The following SCUBE1 variants were observed in gnomAD, a reference collection of about 807,000 sequenced individuals.
SCUBE1 encodes the protein signal peptide, CUB domain and EGF like domain containing 1, also known as signal peptide, CUB and EGF-like domain-containing protein 1.
Under a neutral mutation model 124.4 loss-of-function variants are expected in SCUBE1, and 59 were observed. The observed-to-expected ratio is 0.47, with a 90% confidence interval of 0.38 to 0.59. The LOEUF (loss-of-function observed/expected upper bound fraction) is 0.59. Ranked by LOEUF, SCUBE1 falls within the 20% of genes least tolerant of loss-of-function variation. The probability of loss-of-function intolerance (pLI) is 0.00; values close to 1 mark genes in which losing one functional copy is unlikely to be tolerated. For synonymous variants in SCUBE1, 545 were observed against 550.9 expected (o/e 0.99, Z 0.15); for missense variants, 1,150 against 1,371.2 (o/e 0.84, Z 2.55).
chr22:43,266,332 A>G (rs2146716448), intron 4 of SCUBE1, among the ~76,000 whole-genome samples: 1 of 152,062 alleles, frequency 6.6e-6, no homozygotes, highest in East Asian at 1.9e-4. Context: ...ACATTTCAAA[A>G]TGACCCTACA....
In SCUBE1 at chr22:43,280,492, C is replaced by CTG. The variant is rs767871082; in HGVS notation, c.484+10553_484+10554insCA. Among the ~76,000 whole-genome samples, 1,304 of 41,200 alleles carry CTG rather than the reference C, an allele frequency of 0.032. 37 individuals are homozygous for CTG. In the East Asian group the frequency reaches 0.46, roughly 14 times the overall value. The allele number at this position is 41,200 out of a possible 152,430, so 27.0% of individuals were successfully genotyped here. A position where few individuals can be genotyped will look rare whatever the true frequency, so the allele number is the denominator to read the frequency against. ...CTCCCGTCCCTTCCCCTCACCCATC[C>CTG]CCGTCCCTTCCCCTCACCCATCCTG... On this transcript the variant is annotated intron_variant, in intron 4 of 21. Coordinates refer to ENST00000360835, the MANE Select transcript of SCUBE1 (RefSeq NM_173050.5).
chr22:43,292,820 T>C (rs1876051138), intron 3 of SCUBE1, among the ~76,000 whole-genome samples: 1 of 152,182 alleles, frequency 6.6e-6, no homozygotes, highest in African/African-American at 2.4e-5. Context: ...AGCGAGGCCA[T>C]TATTCTTTGG....
At chr22:43,222,547 TG>T in intron 12 of SCUBE1, 90 bp downstream of exon 12, 1 of 1,003,906 alleles carries the variant, frequency 1.0e-6, no homozygotes. Flanking sequence ...AGGTCTTCCC[TG>T]GGCGGTGCCC....
In SCUBE1 at chr22:43,223,182, G is replaced by A; in HGVS notation, c.1242C>T (p.Ser414=). The change falls in exon 11 of 22, where the codon TCC becomes TCT. Residue 414 remains serine (S), a synonymous_variant. Transcript: ENST00000360835. ...TGKCLSRAKT[S]PRAQLSCSKA... is the part of the protein sequence containing the mutation. Reference sequence around the variant, plus strand: ...TGCTGCAGGACAGCTGGGCCCGGGGGGAGGTCTTGGCGCGAGAAAGACACT... The same window carrying A: ...TGCTGCAGGACAGCTGGGCCCGGGGAGAGGTCTTGGCGCGAGAAAGACACT... 6.4e-7 allele frequency: 1 copy of A among 1,572,176 alleles called. No homozygotes were observed.
rs1569499008 is a variant in SCUBE1 at position 43,220,664 on chromosome 22, G to A, written c.1550-77C>T. 3.9e-6 allele frequency: 6 copies of A among 1,543,904 alleles called. No individual in the cohort carries two copies. In the East Asian group the frequency reaches 6.8e-5, roughly 18 times the overall value. ...GGTCCTACCAAGCCCTGCATACAGA[G>A]TGCCATTGGCAAGGACTTCCTGGTC... On this transcript the variant is annotated intron_variant, in intron 13 of 21. Transcript: ENST00000360835.
At position 43,208,080 on chromosome 22, in the gene SCUBE1, G is replaced by A. The variant is rs1369868864; in HGVS notation, c.2726C>T (p.Thr909Ile). 2 of 1,614,134 alleles carry A rather than the reference G, an allele frequency of 1.2e-6. No homozygotes were observed. ...AAGACAGTGGATCTTACCATCGTAG[G>A]TGACATAGGGCACTTGGAAGCCTTT... The part of the protein sequence containing the change: ...SGKGFQVPYV[T>I]YDEDYQQLIE... Residue 909 changes from threonine (T) to isoleucine (I), a missense_variant, in exon 20 of 22, where the codon ACC (threonine) becomes ATC (isoleucine). Around this residue, in one of 3 missense-constraint regions of SCUBE1, gnomAD observed 757 missense variants for 840.9 expected, o/e 0.90. Coordinates refer to ENST00000360835, the MANE Select transcript of SCUBE1 (RefSeq NM_173050.5).
At chr22:43,243,257 C>T (rs1156411948) in intron 6 of SCUBE1, among the ~76,000 whole-genome samples, 1 of 152,218 alleles carries the variant, frequency 6.6e-6, no homozygotes, top group African/African-American at 2.4e-5. Flanking sequence ...GAGGTCTGCA[C>T]CCGCTGGTGC....
chr22:43,231,585 AG>A (rs769437171), intron 8 of SCUBE1, among the ~76,000 whole-genome samples, 167 bp downstream of exon 8: 57 of 152,190 alleles, frequency 3.7e-4, no homozygotes, highest in Non-Finnish European at 7.6e-4. Context: ...CATCAATAAA[AG>A]GAACAGATTG....
intron 4 of SCUBE1, chr22:43,282,842 T>G (rs946247356): frequency 1.3e-5 from 2 of 151,926 alleles, no homozygotes; most frequent in African/African-American, 4.8e-5. Flanking sequence ...ATTACAGGAG[T>G]GCGCCACCAT....
Position 43,218,424 on chromosome 22 carries a change from T to C in SCUBE1, c.1722A>G (p.Ala574=). The change falls in exon 15 of 22, where the codon GCA becomes GCG. Residue 574 remains alanine, a synonymous_variant. Coordinates refer to ENST00000360835, the MANE Select transcript of SCUBE1 (RefSeq NM_173050.5). ...TGATGGCGGCCTGCAGGCTCTGTTCTGCTCGCTTCCGCAAGCAGTCCGCTT... is the reference window on the plus strand; with the variant it reads ...TGATGGCGGCCTGCAGGCTCTGTTCCGCTCGCTTCCGCAAGCAGTCCGCTT... The part of the protein sequence containing the change: ...TCEADCLRKR[A]EQSLQAAIKT... The C allele has an allele frequency of 6.2e-7, 1 of 1,613,018 alleles. No individual in the cohort carries two copies. The highest frequency in any genetic ancestry group is 1.1e-5 in the South Asian group (1 of 91,088).
intron 21 of SCUBE1, 40 bp downstream of exon 21, chr22:43,207,494 C>G (rs369894045): frequency 6.6e-7 from 1 of 1,516,396 alleles, no homozygotes; most frequent in East Asian, 2.3e-5. Flanking sequence ...CAGGCCCCAT[C>G]CCAGGGTTAC....
At chr22:43,209,667 G>A (rs186361078) in intron 19 of SCUBE1, among the ~76,000 whole-genome samples, 8 of 152,370 alleles carry the variant, frequency 5.3e-5, no homozygotes, top group African/African-American at 1.9e-4. Context: ...GGAGACCCAT[G>A]GAGCTGGAGC....
At chr22:43,262,379 G>C (rs1051504549) in intron 5 of SCUBE1, among the ~76,000 whole-genome samples, 2 of 152,164 alleles carry the variant, frequency 1.3e-5, no homozygotes, top group African/African-American at 2.4e-5. Flanking sequence ...CATTACCAGG[G>C]GCTTCCCAGG....
intron 6 of SCUBE1, among the ~76,000 whole-genome samples, chr22:43,240,704 G>T (rs1363465534): frequency 6.6e-6 from 1 of 152,204 alleles, no homozygotes. Flanking sequence ...ACAAGGGCCT[G>T]GCTTGTTAGT....
intron 13 of SCUBE1, 103 bp from the exon 14 acceptor site, chr22:43,220,690 C>G: frequency 1.4e-6 from 2 of 1,426,966 alleles, no homozygotes; most frequent in Non-Finnish European, 1.9e-6. Flanking sequence ...CTTCCTGGTC[C>G]GTGGTGCAGA....
At chr22:43,251,167 C>G (rs1309906190) in intron 6 of SCUBE1, among the ~76,000 whole-genome samples, 4 of 152,186 alleles carry the variant, frequency 2.6e-5, no homozygotes, top group East Asian at 3.9e-4. Flanking sequence ...AGATACACCC[C>G]CAAGGCTGCC....
chr22:43,214,047 G>GGCCCCCCCCC, intron 16 of SCUBE1, 43 bp downstream of exon 16: 6 of 143,436 alleles, frequency 4.2e-5, no homozygotes, highest in East Asian at 2.8e-4. Flanking sequence ...AGGAGCCCCC[G>GGCCCCCCCCC]CCCACCCCCC....
chr22:43,284,755 A>ATCGTCGTCG lies in SCUBE1; in HGVS notation c.484+6290_484+6291insCGACGACGA, dbSNP rs767204628. ...ATTGGATGCAGCTCTTGCAATCATC[A>ATCGTCGTCG]TCGTCATCGTCGTCGTCGTCGTCGT... On this transcript the variant is annotated intron_variant, in intron 4 of 21. Coordinates refer to ENST00000360835, the MANE Select transcript of SCUBE1 (RefSeq NM_173050.5). Among the ~76,000 whole-genome samples, 1,099 of 149,300 alleles carry ATCGTCGTCG rather than the reference A, an allele frequency of 7.4e-3. 13 individuals carry two copies. The highest frequency in any genetic ancestry group is 0.025 in the African/African-American group (973 of 39,108).
At chr22:43,250,371 T>C (rs571957434) in intron 6 of SCUBE1, among the ~76,000 whole-genome samples, 1 of 152,278 alleles carries the variant, frequency 6.6e-6, no homozygotes, top group East Asian at 1.9e-4. Flanking sequence ...ATGGCTCTAA[T>C]AGTACGGAGG....
Sources: gnomAD v4.1 joint callset for allele counts (sites outside exome capture counted in the v4.1 genomes callset) on GRCh38, gnomAD v4.1.1 for gene constraint, gnomAD v4.1.1 regional missense constraint, MANE v1.5 for transcripts, NCBI Gene and HGNC (gene_info 2026-07-23, HGNC 2026-07-21) for gene names.